The following METTL15 variants were observed in gnomAD, a reference collection of about 807,000 sequenced individuals.
METTL15 encodes 12S rRNA N(4)-cytidine methyltransferase METTL15.
METTL15 carries 34 observed loss-of-function variants against 38.3 expected under a neutral mutation model. The observed-to-expected ratio is 0.89, with a 90% confidence interval of 0.68 to 1.18. The LOEUF is 1.18. Ranked by LOEUF, METTL15 falls within the 50% of genes most tolerant of loss-of-function variation. The pLI, the probability that METTL15 is intolerant of heterozygous loss-of-function variation, is 0.00. For missense variants in METTL15, 438 were observed against 498.4 expected (o/e 0.88, Z 1.15); for synonymous variants, 162 against 170.9 (o/e 0.95, Z 0.41).
chr11:28,372,775 C>G (rs1487363944), intron 5 of METTL15, among the ~76,000 whole-genome samples: 1 of 114,862 alleles, frequency 8.7e-6, no homozygotes, highest in African/African-American at 3.3e-5. Flanking sequence ...CCCCCTCCCC[C>G]CACCCCACAA....
At chr11:28,531,795 A>G (rs960422347), downstream of METTL15, among the ~76,000 whole-genome samples, 1 of 152,084 alleles carries the variant, frequency 6.6e-6, no homozygotes, top group African/African-American at 2.4e-5. Flanking sequence ...CCAGGTAAAC[A>G]GATAATCAAA....
intron 4 of METTL15, among the ~76,000 whole-genome samples, chr11:28,228,545 GTTAAA>G (rs1353557507): frequency 2.6e-5 from 4 of 151,790 alleles, no homozygotes; most frequent in African/African-American, 9.7e-5. Context: ...AGCATATGAA[GTTAAA>G]TTAAGTATTG....
intron 6 of METTL15, among the ~76,000 whole-genome samples, chr11:28,502,956 A>G (rs1324263571): frequency 6.6e-6 from 1 of 152,226 alleles, no homozygotes; most frequent in East Asian, 1.9e-4. Flanking sequence ...ATCAGTCAAA[A>G]CAGGTCAAGT....
chr11:28,406,471 T>C (rs7123921), intron 5 of METTL15, among the ~76,000 whole-genome samples: 8,166 of 152,238 alleles, frequency 0.054, 322 homozygotes, highest in Non-Finnish European at 0.086. Context: ...AAGAAGCTTT[T>C]GGTGTACATG....
chr11:28,175,127 G>A (rs374235153), intron 3 of METTL15, among the ~76,000 whole-genome samples: 1 of 150,310 alleles, frequency 6.7e-6, no homozygotes, highest in African/African-American at 2.5e-5. Flanking sequence ...GCCCCGATGT[G>A]TGATGTTCCC....
chr11:28,304,407 A>G (rs975068261), intron 6 of METTL15, among the ~76,000 whole-genome samples: 20 of 152,134 alleles, frequency 1.3e-4, no homozygotes, highest in Admixed American at 1.3e-3. Flanking sequence ...AGAACCTTCA[A>G]AATAAAAGAT....
intron 5 of METTL15, among the ~76,000 whole-genome samples, 157 bp from the exon 6 acceptor site, chr11:28,296,596 C>A (rs1475522044): frequency 6.6e-6 from 1 of 152,076 alleles, no homozygotes; most frequent in Non-Finnish European, 1.5e-5. Context: ...AATAGAAAGT[C>A]TATTTCATTT....
chr11:28,223,952 A>G (rs1853363130), intron 4 of METTL15, among the ~76,000 whole-genome samples: 1 of 152,116 alleles, frequency 6.6e-6, no homozygotes, highest in Admixed American at 6.6e-5. Flanking sequence ...CATACTATGT[A>G]TACTAAGTTT....
At chr11:28,296,325 C>A (rs1410103851) in intron 5 of METTL15, among the ~76,000 whole-genome samples, 1 of 152,094 alleles carries the variant, frequency 6.6e-6, no homozygotes, top group Non-Finnish European at 1.5e-5. Context: ...CAGATTTAGT[C>A]AAGTTCTTGA....
intron 4 of METTL15, among the ~76,000 whole-genome samples, chr11:28,260,030 A>G (rs562238949): frequency 1.8e-4 from 28 of 152,286 alleles, no homozygotes; most frequent in African/African-American, 6.5e-4. Context: ...AAATTTAGTA[A>G]AACTGCCATC....
At chr11:28,250,264 A>G (rs1316921747) in intron 4 of METTL15, among the ~76,000 whole-genome samples, 1 of 151,980 alleles carries the variant, frequency 6.6e-6, no homozygotes, top group Non-Finnish European at 1.5e-5. Context: ...GTGTTGAATG[A>G]TAATTCTGTT....
chr11:28,505,119 G>A (rs1160432474), intron 6 of METTL15, among the ~76,000 whole-genome samples: 4 of 152,176 alleles, frequency 2.6e-5, no homozygotes, highest in African/African-American at 4.8e-5. Flanking sequence ...GGCTTTTCCT[G>A]GAAAGGTGAT....
At chr11:28,506,233 C>A (rs996079666) in intron 6 of METTL15, among the ~76,000 whole-genome samples, 1 of 152,174 alleles carries the variant, frequency 6.6e-6, no homozygotes, top group African/African-American at 2.4e-5. Flanking sequence ...GAAATTGTTT[C>A]TACTAACCAT....
intron 6 of METTL15, among the ~76,000 whole-genome samples, chr11:28,521,288 C>T (rs78786996): frequency 0.028 from 4,246 of 152,268 alleles, 203 homozygotes; most frequent in African/African-American, 0.097. Context: ...CCAGTTCTGA[C>T]ATGTCAGGGC....
chr11:28,122,923 A>T (rs904125214), intron 3 of METTL15, among the ~76,000 whole-genome samples: 1 of 152,094 alleles, frequency 6.6e-6, no homozygotes, highest in African/African-American at 2.4e-5. Context: ...AAGATAAAAA[A>T]ATCAAGCTTC....
rs1850549704 is a variant in METTL15, at chr11:28,163,566, T to C, written c.271-47496T>C. 2.8e-5 allele frequency: 11 copies of C among 397,148 alleles called. No homozygotes were observed. In the East Asian group the frequency reaches 3.9e-4, roughly 14 times the overall value. The allele number at this position is 397,148 out of a possible 1,614,324, so 24.6% of individuals were successfully genotyped here. ...CTCTCTCTCTCTGTGTGTGTGTGTGTGTTTGTCTGGAGAATACACAATCAA... is the reference window on the plus strand; with the variant it reads ...CTCTCTCTCTCTGTGTGTGTGTGTGCGTTTGTCTGGAGAATACACAATCAA... On this transcript the variant is annotated intron_variant, in intron 3 of 6. Coordinates refer to ENST00000407364, the MANE Select transcript of METTL15 (RefSeq NM_001113528.2).
downstream of METTL15, among the ~76,000 whole-genome samples, chr11:28,337,828 A>G (rs1475038327): frequency 1.3e-5 from 2 of 152,102 alleles, no homozygotes; most frequent in African/African-American, 4.8e-5. Context: ...AGGTGTGTAG[A>G]AGGCTATACT....
chr11:28,343,619 G>A (rs1256142769), intron 3 of METTL15, among the ~76,000 whole-genome samples: 1 of 152,152 alleles, frequency 6.6e-6, no homozygotes, highest in Middle Eastern at 3.2e-3. Flanking sequence ...GCTAAATCTA[G>A]TCTGTTTGAC....
At chr11:28,531,673 T>C (rs768513783), downstream of METTL15, among the ~76,000 whole-genome samples, 4 of 152,054 alleles carry the variant, frequency 2.6e-5, no homozygotes, top group Non-Finnish European at 4.4e-5. Context: ...TGACATATTG[T>C]GAACACTTGA....
Sources: allele counts gnomAD v4.1 joint callset (sites outside exome capture counted in the v4.1 genomes callset), GRCh38; gene constraint gnomAD v4.1.1; transcripts MANE v1.5; gene names NCBI Gene and HGNC (gene_info 2026-07-23, HGNC 2026-07-21).